EXOC4: variants seen among roughly 807,000 people sequenced by gnomAD.
EXOC4 encodes exocyst complex component 4.
EXOC4 carries 71 observed loss-of-function variants against 107.2 expected under a neutral mutation model. The observed-to-expected ratio is 0.66, with a 90% CI of 0.55 to 0.81. EXOC4 has a LOEUF of 0.81. Ranked by LOEUF, EXOC4 falls within the 30% of genes least tolerant of loss-of-function variation. The probability of loss-of-function intolerance (pLI) is 0.00; values close to 1 mark genes in which losing one functional copy is unlikely to be tolerated. For synonymous variants in EXOC4, 456 were observed against 441.2 expected, an observed-to-expected ratio of 1.03 and a Z score of -0.42; for missense variants, 1,108 against 1,189.6, an observed-to-expected ratio of 0.93 and a Z score of 1.01.
chr7:133,623,163 A>G (rs1376571022), intron 9 of EXOC4, among the ~76,000 whole-genome samples: 1 of 152,154 alleles, frequency 6.6e-6, no homozygotes, highest in Non-Finnish European at 1.5e-5. Flanking sequence ...ATCCAGGATA[A>G]TAACTTGGCA....
the EXOC4 span, among the ~76,000 whole-genome samples, chr7:134,084,561 T>A: frequency 6.6e-6 from 1 of 152,146 alleles, no homozygotes; most frequent in Non-Finnish European, 1.5e-5. Context: ...CCTTGGATTA[T>A]CTTTGTATCA....
chr7:133,536,668 G>A (rs1364206029), intron 9 of EXOC4, among the ~76,000 whole-genome samples: 1 of 151,828 alleles, frequency 6.6e-6, no homozygotes, highest in East Asian at 1.9e-4. Flanking sequence ...GCATAATAGT[G>A]ATGTAACAAG....
chr7:133,634,926 T>A (rs563598261), intron 10 of EXOC4, among the ~76,000 whole-genome samples: 1 of 152,178 alleles, frequency 6.6e-6, no homozygotes, highest in South Asian at 2.1e-4. Context: ...AACTGATGCC[T>A]TTTTTTCTTC....
intron 17 of EXOC4, among the ~76,000 whole-genome samples, chr7:134,012,973 G>T (rs914757742): frequency 6.6e-6 from 1 of 152,180 alleles, no homozygotes; most frequent in Non-Finnish European, 1.5e-5. Flanking sequence ...CTGGCTACTG[G>T]TGGGCTTGAC....
intron 11 of EXOC4, among the ~76,000 whole-genome samples, chr7:133,852,501 A>G (rs934429200): frequency 2.0e-5 from 3 of 152,126 alleles, no homozygotes; most frequent in South Asian, 2.1e-4. Flanking sequence ...ATTTCCTCAT[A>G]TTTTTACTGC....
At chr7:133,462,668 T>C (rs1428039888) in intron 7 of EXOC4, among the ~76,000 whole-genome samples, 1 of 152,146 alleles carries the variant, frequency 6.6e-6, no homozygotes, top group African/African-American at 2.4e-5. Context: ...TACCCCAAGC[T>C]TTAAAAAAAT....
intron 14 of EXOC4, among the ~76,000 whole-genome samples, chr7:133,985,282 A>C (rs1309549293): frequency 6.6e-6 from 1 of 152,180 alleles, no homozygotes; most frequent in African/African-American, 2.4e-5. Flanking sequence ...CCAAATATAA[A>C]ACATCCCCTC....
At chr7:133,591,910 G>T (rs1386264279) in intron 9 of EXOC4, among the ~76,000 whole-genome samples, 2 of 152,194 alleles carry the variant, frequency 1.3e-5, no homozygotes, top group Non-Finnish European at 2.9e-5. Flanking sequence ...GATCCTGAGA[G>T]TGCCCTTTGA....
intron 10 of EXOC4, among the ~76,000 whole-genome samples, chr7:133,668,994 T>G (rs1052090244): frequency 2.8e-5 from 4 of 141,328 alleles, no homozygotes; most frequent in Non-Finnish European, 3.0e-5. Context: ...ACAATAGAAT[T>G]GTTCTCCCAA....
chr7:133,369,800 CTTTTTTTTTT>C (rs35258276), intron 6 of EXOC4, among the ~76,000 whole-genome samples: 20 of 86,640 alleles, frequency 2.3e-4, no homozygotes, highest in African/African-American at 6.5e-4. Flanking sequence ...ACTAGATTTC[CTTTTTTTTTT>C]TTTTTTTTTT....
chr7:133,516,751 G>C, intron 9 of EXOC4, among the ~76,000 whole-genome samples: 1 of 4,478 alleles, frequency 2.2e-4, no homozygotes, highest in African/African-American at 4.8e-4. Context: ...TGCCAAACTA[G>C]CTGCTCATTT....
At chr7:133,717,786 A>T (rs540813338) in intron 10 of EXOC4, among the ~76,000 whole-genome samples, 1 of 152,234 alleles carries the variant, frequency 6.6e-6, no homozygotes, top group East Asian at 1.9e-4. Flanking sequence ...ATCCTTGGGG[A>T]GCTTACAGTT....
chr7:133,334,089 GTT>G (rs1489729395), intron 5 of EXOC4, among the ~76,000 whole-genome samples: 1 of 152,102 alleles, frequency 6.6e-6, no homozygotes, highest in African/African-American at 2.4e-5. Flanking sequence ...ATTTGTTACT[GTT>G]TTTATTTCAT....
At chr7:133,595,653 A>G (rs1262644803) in intron 9 of EXOC4, among the ~76,000 whole-genome samples, 2 of 152,218 alleles carry the variant, frequency 1.3e-5, no homozygotes, top group East Asian at 3.9e-4. Flanking sequence ...TTTTACTGAT[A>G]TGGAAAATAG....
At chr7:133,833,633 G>A (rs544918541) in intron 11 of EXOC4, among the ~76,000 whole-genome samples, 31 of 152,272 alleles carry the variant, frequency 2.0e-4, no homozygotes, top group Middle Eastern at 3.4e-3. Context: ...TACAGTCATG[G>A]CTCACTGCAG....
At chr7:134,097,683 A>G in the EXOC4 span, among the ~76,000 whole-genome samples, 1 of 152,178 alleles carries the variant, frequency 6.6e-6, no homozygotes, top group African/African-American at 2.4e-5. Context: ...TACCCCCACA[A>G]CTTGATGTGG....
the EXOC4 span, among the ~76,000 whole-genome samples, chr7:134,072,759 G>A: frequency 6.6e-6 from 1 of 152,138 alleles, no homozygotes; most frequent in Non-Finnish European, 1.5e-5. Context: ...TCCAACAGAG[G>A]CATTCAGTGC....
At chr7:133,942,793 CT>C (rs1357588305) in intron 14 of EXOC4, among the ~76,000 whole-genome samples, 1 of 152,168 alleles carries the variant, frequency 6.6e-6, no homozygotes, top group Non-Finnish European at 1.5e-5. Flanking sequence ...GTGGTCATTT[CT>C]GATCATTTTC....
chr7:133,608,073 A>T (rs1303657350), intron 9 of EXOC4, among the ~76,000 whole-genome samples: 1 of 152,194 alleles, frequency 6.6e-6, no homozygotes, highest in Non-Finnish European at 1.5e-5. Context: ...ACTTCAACTC[A>T]AAGTTGTTCA....
Sources: allele counts gnomAD v4.1 joint callset (sites outside exome capture counted in the v4.1 genomes callset), GRCh38; gene constraint gnomAD v4.1.1; transcripts MANE v1.5; gene names NCBI Gene and HGNC (gene_info 2026-07-23, HGNC 2026-07-21).